Variants in RBMS1 observed in about 807,000 individuals in gnomAD.
RBMS1 encodes RNA binding motif single stranded interacting protein 1.
A neutral mutation model predicts 62.3 loss-of-function variants in RBMS1; 17 were observed. The observed-to-expected ratio is 0.27, with a 90% CI of 0.19 to 0.41. RBMS1 has a LOEUF of 0.41. Ranked by LOEUF, RBMS1 falls within the 10% of genes least tolerant of loss-of-function variation. The probability of loss-of-function intolerance (pLI) is 1.00; values close to 1 mark genes in which losing one functional copy is unlikely to be tolerated. For missense variants in RBMS1, 334 were observed against 504.5 expected (o/e 0.66, Z 3.24); for synonymous variants, 172 against 170.0 (o/e 1.01, Z -0.09).
chr2:160,471,716 T>TATATAA (rs371634389), intron 1 of RBMS1, among the ~76,000 whole-genome samples: 6,535 of 76,308 alleles, frequency 0.086, 785 homozygotes, highest in Non-Finnish European at 0.14. Context: ...TATATATATA[T>TATATAA]AACCTTTCAT....
chr2:160,397,196 G>T (rs1695194256), intron 1 of RBMS1, among the ~76,000 whole-genome samples: 1 of 151,824 alleles, frequency 6.6e-6, no homozygotes, highest in Admixed American at 6.6e-5. Flanking sequence ...ACTCATTTCT[G>T]TTTGAATGCT....
At chr2:160,333,838 C>G (rs1272685613) in intron 2 of RBMS1, among the ~76,000 whole-genome samples, 3 of 151,960 alleles carry the variant, frequency 2.0e-5, no homozygotes, top group African/African-American at 7.3e-5. Flanking sequence ...GATGGAAACT[C>G]AGGAGATAAC....
intron 2 of RBMS1, among the ~76,000 whole-genome samples, chr2:160,340,303 C>T (rs1332928651): frequency 2.0e-5 from 3 of 152,104 alleles, no homozygotes. Flanking sequence ...ATTCCAGTGA[C>T]AGCTTTAAAA....
At chr2:160,430,248 T>C (rs1682832914) in intron 1 of RBMS1, among the ~76,000 whole-genome samples, 1 of 152,240 alleles carries the variant, frequency 6.6e-6, no homozygotes, top group African/African-American at 2.4e-5. Flanking sequence ...TTTTTAAGTT[T>C]TAAGTCATTT....
intron 2 of RBMS1, among the ~76,000 whole-genome samples, chr2:160,325,924 G>C (rs1222724241): frequency 6.6e-6 from 1 of 152,084 alleles, no homozygotes; most frequent in African/African-American, 2.4e-5. Flanking sequence ...CTACTTCCAA[G>C]ACACAAAAAT....
intron 4 of RBMS1, among the ~76,000 whole-genome samples, chr2:160,306,582 A>T (rs892243081): frequency 1.2e-4 from 18 of 151,984 alleles, no homozygotes; most frequent in Admixed American, 1.1e-3. Flanking sequence ...AACGGTCAAC[A>T]TATCTTACAA....
At chr2:160,340,100 T>C (rs1193646818) in intron 2 of RBMS1, among the ~76,000 whole-genome samples, 1 of 152,210 alleles carries the variant, frequency 6.6e-6, no homozygotes, top group African/African-American at 2.4e-5. Flanking sequence ...ATTCTTACTT[T>C]CTTCTATATA....
intron 1 of RBMS1, among the ~76,000 whole-genome samples, chr2:160,406,346 A>T (rs1466097143): frequency 6.6e-6 from 1 of 152,218 alleles, no homozygotes; most frequent in Non-Finnish European, 1.5e-5. Flanking sequence ...ACCTAAACAT[A>T]ATCAATAATC....
intron 1 of RBMS1, among the ~76,000 whole-genome samples, chr2:160,460,496 G>A (rs1316461632): frequency 6.6e-6 from 1 of 152,248 alleles, no homozygotes; most frequent in African/African-American, 2.4e-5. Flanking sequence ...CAGGACAACT[G>A]TGATATGACC....
intron 1 of RBMS1, among the ~76,000 whole-genome samples, chr2:160,387,011 T>C (rs1167974669): frequency 6.6e-6 from 1 of 152,178 alleles, no homozygotes; most frequent in Admixed American, 6.5e-5. Context: ...CCTAGCTAGG[T>C]GTCAGCTGAA....
chr2:160,442,204 T>C (rs1208428326), intron 1 of RBMS1, among the ~76,000 whole-genome samples: 3 of 152,244 alleles, frequency 2.0e-5, no homozygotes, highest in African/African-American at 7.2e-5. Context: ...TTTTATGTCA[T>C]GTGCAAAAAA....
At chr2:160,301,552 T>C (rs1410187734) in intron 5 of RBMS1, among the ~76,000 whole-genome samples, 2 of 152,238 alleles carry the variant, frequency 1.3e-5, no homozygotes, top group African/African-American at 2.4e-5. Flanking sequence ...ATGATACGAC[T>C]TGATCTGTTT....
chr2:160,322,544 C>T (rs1559378938), intron 2 of RBMS1, among the ~76,000 whole-genome samples: 2 of 152,214 alleles, frequency 1.3e-5, no homozygotes, highest in Non-Finnish European at 2.9e-5. Flanking sequence ...GACTGAAAGA[C>T]TGTGATTTCA....
At chr2:160,302,125 G>GT (rs1201580181) in intron 5 of RBMS1, among the ~76,000 whole-genome samples, 6 of 150,730 alleles carry the variant, frequency 4.0e-5, no homozygotes, top group Non-Finnish European at 8.9e-5. Flanking sequence ...ACTCTGAAGT[G>GT]TTTTTTTTCT....
chr2:160,275,155 T>G (rs1687764149), intron 13 of RBMS1, among the ~76,000 whole-genome samples: 1 of 152,214 alleles, frequency 6.6e-6, no homozygotes. Flanking sequence ...TGAAAAGTTT[T>G]GAAATTTGTG....
chr2:160,356,757 AATTTGTGGTATTCT>A (rs1692823852), intron 2 of RBMS1, among the ~76,000 whole-genome samples: 1 of 152,128 alleles, frequency 6.6e-6, no homozygotes, highest in African/African-American at 2.4e-5. Context: ...TAAATTACCT[AATTTGTGGTATTCT>A]ATTATAGCAG....
At chr2:160,397,284 A>C (rs1695198885) in intron 1 of RBMS1, among the ~76,000 whole-genome samples, 1 of 152,048 alleles carries the variant, frequency 6.6e-6, no homozygotes, top group Non-Finnish European at 1.5e-5. Flanking sequence ...TTTATTTTAT[A>C]GAATCTGAAC....
At chr2:160,325,756 A>G (rs1690887612) in intron 2 of RBMS1, among the ~76,000 whole-genome samples, 1 of 152,204 alleles carries the variant, frequency 6.6e-6, no homozygotes, top group Non-Finnish European at 1.5e-5. Flanking sequence ...AATTCTCACT[A>G]CCTGGAATAA....
At chr2:160,362,680 A>G (rs1693194484) in intron 2 of RBMS1, among the ~76,000 whole-genome samples, 1 of 152,228 alleles carries the variant, frequency 6.6e-6, no homozygotes, top group Non-Finnish European at 1.5e-5. Flanking sequence ...AGTGAAAATT[A>G]CCAAAATGTG....
Sources: allele counts gnomAD v4.1 joint callset (sites outside exome capture counted in the v4.1 genomes callset), GRCh38; gene constraint gnomAD v4.1.1; transcripts MANE v1.5; gene names NCBI Gene and HGNC (gene_info 2026-07-23, HGNC 2026-07-21).